SAMSN1: variants seen among roughly 807,000 people sequenced by gnomAD.
SAMSN1 encodes SAM domain-containing protein SAMSN-1.
In SAMSN1, 31 loss-of-function variants were observed where a neutral mutation model predicts 42.0. The observed-to-expected ratio is 0.74, with a 90% CI of 0.55 to 1.00. The LOEUF (loss-of-function observed/expected upper bound fraction) is 1.00. SAMSN1 is among the 50% of genes least tolerant of loss of function. The pLI, the probability that SAMSN1 is intolerant of heterozygous loss-of-function variation, is 0.00. For synonymous variants in SAMSN1, 178 were observed against 151.9 expected, an observed-to-expected ratio of 1.17 and a Z score of -1.26; for missense variants, 464 against 439.4, an observed-to-expected ratio of 1.06 and a Z score of -0.50.
At chr21:14,540,334 C>G (rs1020784350) in intron 1 of SAMSN1, among the ~76,000 whole-genome samples, 15 of 152,152 alleles carry the variant, frequency 9.9e-5, no homozygotes, top group South Asian at 2.1e-4. Flanking sequence ...GCAAAAGAAA[C>G]TACCATCAGA....
intron 5 of SAMSN1, among the ~76,000 whole-genome samples, chr21:14,607,962 TTAAC>T (rs755410477): frequency 1.5e-4 from 23 of 152,326 alleles, no homozygotes; most frequent in Middle Eastern, 6.8e-3. Context: ...AAATGTTTGA[TTAAC>T]TGACTGAAGG....
intron 2 of SAMSN1, among the ~76,000 whole-genome samples, chr21:14,568,685 A>G (rs959686141): frequency 6.6e-6 from 1 of 152,144 alleles, no homozygotes; most frequent in Non-Finnish European, 1.5e-5. Flanking sequence ...AATCTTCACA[A>G]ATGAAGAAGT....
At chr21:14,656,942 A>T (rs761175609) in intron 1 of SAMSN1, among the ~76,000 whole-genome samples, 1 of 151,718 alleles carries the variant, frequency 6.6e-6, no homozygotes, top group Non-Finnish European at 1.5e-5. Flanking sequence ...GAATCTTTCC[A>T]TTAAACCAGT....
At chr21:14,510,225 T>C in intron 5 of SAMSN1, 85 bp downstream of exon 5, 1 of 1,302,196 alleles carries the variant, frequency 7.7e-7, no homozygotes, top group Non-Finnish European at 1.1e-6. Flanking sequence ...TCACACTGTC[T>C]TCCCACTGCT....
At position 14,593,313 on chromosome 21, in the gene SAMSN1, T is replaced by C. The variant is rs990807615; in HGVS notation, c.465+700A>G. On this transcript the variant is annotated intron_variant, in intron 7 of 15. Transcript: ENST00000647101. Reference sequence around the variant, plus strand: ...CAAATAAGTTGCAAACATTAGCTTGTAGTGTTCTGAAGCCATCTAGAACAA... The same window carrying C: ...CAAATAAGTTGCAAACATTAGCTTGCAGTGTTCTGAAGCCATCTAGAACAA... Among the ~76,000 whole-genome samples, 9 of 152,276 alleles carry C rather than the reference T, an allele frequency of 5.9e-5. No individual in the cohort carries two copies. The East Asian group carries it at 9.6e-4, about 16-fold the overall frequency.
rs139886173 is a variant in SAMSN1, at chr21:14,632,918, A to G, written c.156+10084T>C. On this transcript the variant is annotated intron_variant, in intron 2 of 15. Coordinates refer to the SAMSN1 transcript ENST00000647101. The stretch of plus-strand genomic sequence containing the variant: ...TCCTTATCATGCAGGTCTCTTCCAC[A>G]TGGAATCTGGCTTCATTATAGTGTG... 3.5e-3 allele frequency among the ~76,000 whole-genome samples: 528 copies of G among 152,274 alleles called. 2 individuals are homozygous for G. The highest frequency in any genetic ancestry group is 0.011 in the African/African-American group (457 of 41,552).
intron 7 of SAMSN1, among the ~76,000 whole-genome samples, chr21:14,493,145 TG>T (rs1206288481): frequency 2.6e-5 from 4 of 152,076 alleles, no homozygotes; most frequent in Non-Finnish European, 5.9e-5. Flanking sequence ...AAGGCACAAC[TG>T]GGGATGCTTG....
intron 2 of SAMSN1, among the ~76,000 whole-genome samples, chr21:14,633,328 A>T (rs1983380313): frequency 6.6e-6 from 1 of 152,216 alleles, no homozygotes; most frequent in Non-Finnish European, 1.5e-5. Context: ...TACCAAAAGG[A>T]AAGTAATAGA....
At chr21:14,645,927 G>GT (rs1983704547) in intron 1 of SAMSN1, among the ~76,000 whole-genome samples, 1 of 152,162 alleles carries the variant, frequency 6.6e-6, no homozygotes, top group Non-Finnish European at 1.5e-5. Context: ...GAAAGAATTA[G>GT]TGAGCCTAAA....
intron 1 of SAMSN1, among the ~76,000 whole-genome samples, chr21:14,656,848 T>C (rs1977014): frequency 0.77 from 117,462 of 151,636 alleles, 46,097 homozygotes; most frequent in Middle Eastern, 0.89. Context: ...GATCTTTATG[T>C]GACACATAAT....
rs1444650017 is a variant in SAMSN1 at position 14,590,206 on chromosome 21, AC to A, written c.465+3806del. 5.3e-5 allele frequency among the ~76,000 whole-genome samples: 8 copies of A among 152,018 alleles called. No homozygotes were observed. In the East Asian group the frequency reaches 1.5e-3, roughly 29 times the overall value. On this transcript the variant is annotated intron_variant, in intron 7 of 15. Coordinates refer to the SAMSN1 transcript ENST00000647101. ...GCCTTTTTCTATCTTTATATATTCTACTCTTCTTAGTTTTCTACAGTGAAGA... is the reference window on the plus strand; with the variant it reads ...GCCTTTTTCTATCTTTATATATTCTATCTTCTTAGTTTTCTACAGTGAAGA...
chr21:14,647,023 C>A (rs1983726819), intron 1 of SAMSN1, among the ~76,000 whole-genome samples: 1 of 152,112 alleles, frequency 6.6e-6, no homozygotes, highest in Non-Finnish European at 1.5e-5. Context: ...GACCATAAAA[C>A]AACCCGAAAA....
chr21:14,582,082 C>T (rs928239346), intron 2 of SAMSN1: 23 of 1,430,842 alleles, frequency 1.6e-5, no homozygotes, highest in African/African-American at 1.6e-4. Context: ...GTTTCTTTCC[C>T]GACAGTACAA....
At chr21:14,588,520 T>C (rs577165121) in intron 7 of SAMSN1, among the ~76,000 whole-genome samples, 1 of 151,980 alleles carries the variant, frequency 6.6e-6, no homozygotes, top group South Asian at 2.1e-4. Flanking sequence ...TTTTTTCATG[T>C]GTTTTTTGGC....
chr21:14,589,846 T>C (rs181768861), intron 7 of SAMSN1, among the ~76,000 whole-genome samples: 97 of 152,310 alleles, frequency 6.4e-4, no homozygotes, highest in African/African-American at 2.2e-3. Context: ...AATTTTCCTC[T>C]CTAGTGTCAT....
At chr21:14,605,485 G>A (rs1982541462) in intron 5 of SAMSN1, among the ~76,000 whole-genome samples, 1 of 152,202 alleles carries the variant, frequency 6.6e-6, no homozygotes, top group Non-Finnish European at 1.5e-5. Context: ...AAAATTAAAT[G>A]TGTGTTTCCT....
intron 5 of SAMSN1, among the ~76,000 whole-genome samples, chr21:14,603,564 C>A (rs1300179422): frequency 1.3e-5 from 2 of 152,064 alleles, no homozygotes; most frequent in South Asian, 2.1e-4. Flanking sequence ...GCAGCATAAA[C>A]GGAACATGTT....
chr21:14,590,540 C>T (rs1982050613), intron 7 of SAMSN1, among the ~76,000 whole-genome samples: 1 of 152,116 alleles, frequency 6.6e-6, no homozygotes, highest in Non-Finnish European at 1.5e-5. Flanking sequence ...GCTTCAGCCT[C>T]CCAAAGTGCT....
At chr21:14,501,048 T>C (rs991014121) in intron 5 of SAMSN1, among the ~76,000 whole-genome samples, 1 of 151,252 alleles carries the variant, frequency 6.6e-6, no homozygotes, top group African/African-American at 2.5e-5. Context: ...TGGTAGCATG[T>C]ATCTGTAGAC....
Sources: allele counts gnomAD v4.1 joint callset (sites outside exome capture counted in the v4.1 genomes callset), GRCh38; gene constraint gnomAD v4.1.1; transcripts MANE v1.5; gene names NCBI Gene and HGNC (gene_info 2026-07-23, HGNC 2026-07-21).